The following USH2A variants were observed in gnomAD, a reference collection of about 807,000 sequenced individuals.
The protein encoded by USH2A is usherin.
A neutral mutation model predicts 538.9 loss-of-function variants in USH2A; 443 were observed. The ratio of observed to expected loss-of-function variants is 0.82; its 90% CI spans 0.76 to 0.89. The LOEUF (loss-of-function observed/expected upper bound fraction) is 0.89, where lower values mean the gene tolerates loss of function less well. USH2A is among the 40% of genes least tolerant of loss of function. The pLI is 0.00. For missense variants in USH2A, 6,633 were observed against 6,324.8 expected (o/e 1.05, Z -1.65); for synonymous variants, 2,413 against 2,273.5 (o/e 1.06, Z -1.75).
chr1:215,766,639 G>A (rs750535872), intron 56 of USH2A, 42 bp downstream of exon 56: 1 of 1,557,278 alleles, frequency 6.4e-7, no homozygotes, highest in South Asian at 1.1e-5. Context: ...AAAATGCTAT[G>A]TGAAAATTTC....
chr1:216,120,401 A>G (rs948079866), intron 21 of USH2A, among the ~76,000 whole-genome samples: 34 of 151,516 alleles, frequency 2.2e-4, no homozygotes, highest in African/African-American at 8.2e-4. Context: ...TTATTTAGCG[A>G]TGGAGTCTCG....
intron 9 of USH2A, among the ~76,000 whole-genome samples, chr1:216,298,710 G>A (rs2037153600): frequency 6.6e-6 from 1 of 152,206 alleles, no homozygotes; most frequent in African/African-American, 2.4e-5. Flanking sequence ...ATACCAGGGT[G>A]AAAGGAATTT....
chr1:215,655,725 C>CTTTTTTT (rs766225635), intron 64 of USH2A, among the ~76,000 whole-genome samples: 47 of 96,192 alleles, frequency 4.9e-4, no homozygotes, highest in South Asian at 9.1e-4. Flanking sequence ...GCTAGTTATT[C>CTTTTTTT]TTTTTTTTTT....
rs147146439 is a variant in USH2A, at chr1:215,887,969, T to C, written c.8223+457A>G. On this transcript the variant is annotated intron_variant, in intron 41 of 71. Coordinates refer to ENST00000307340, the MANE Select transcript of USH2A (RefSeq NM_206933.4). The stretch of plus-strand genomic sequence containing the variant: ...ATTCCCAATAGAATGAGGTGAATAA[T>C]TGAACACTTTCTGGATAGCCCGTTA... Among the ~76,000 whole-genome samples, 195 of 152,344 alleles carry C rather than the reference T, an allele frequency of 1.3e-3. 2 individuals are homozygous for C. The highest frequency in any genetic ancestry group is 4.2e-3 in the African/African-American group (176 of 41,576).
intron 60 of USH2A, among the ~76,000 whole-genome samples, chr1:215,730,081 C>A (rs1042291624): frequency 1.3e-5 from 2 of 152,106 alleles, no homozygotes; most frequent in Non-Finnish European, 2.9e-5. Flanking sequence ...AAACTAGGGC[C>A]AAATGCATAC....
rs114857488 is a variant in USH2A, at chr1:215,782,526, A to G, written c.10585+212T>C. ...ATATTCTGGGATTCAAGGAACTTTC[A>G]TTTCTATTTTTTTACTTATTTAGGC... On this transcript the variant is annotated intron_variant, in intron 53 of 71. Transcript: ENST00000307340. 5.5e-3 allele frequency among the ~76,000 whole-genome samples: 843 copies of G among 152,186 alleles called. 6 individuals carry two copies. The highest frequency in any genetic ancestry group is 0.019 in the African/African-American group (787 of 41,536).
At chr1:215,867,665 C>T (rs1308666578) in intron 43 of USH2A, among the ~76,000 whole-genome samples, 1 of 152,182 alleles carries the variant, frequency 6.6e-6, no homozygotes, top group Non-Finnish European at 1.5e-5. Context: ...TCACTGCAGA[C>T]AGATAAACCC....
intron 22 of USH2A, among the ~76,000 whole-genome samples, chr1:216,090,258 A>T (rs2102566378): frequency 6.6e-6 from 1 of 152,118 alleles, no homozygotes; most frequent in East Asian, 1.9e-4. Context: ...GAAGATGTAT[A>T]TTGAAAAACA....
intron 41 of USH2A, among the ~76,000 whole-genome samples, chr1:215,885,624 T>C (rs1481983392): frequency 2.0e-5 from 3 of 152,238 alleles, no homozygotes; most frequent in Non-Finnish European, 4.4e-5. Flanking sequence ...ATTTCATCTA[T>C]GCTGCTGTGC....
Position 216,324,388 on chromosome 1 carries a change from T to C in USH2A, c.1144-36A>G, listed in dbSNP as rs771718908. On this transcript the variant is annotated intron_variant, in intron 6 of 71. Transcript: ENST00000307340. ...AAAGTTAATTAATGTAATTAAAGTT[T>C]TAAGTTTAACCATCAGTATATATCA... The C allele has an allele frequency of 7.1e-6, 11 of 1,554,652 alleles. No individual in the cohort carries two copies. The Admixed American group carries it at 1.3e-4, about 18-fold the overall frequency.
chr1:216,316,831 G>C (rs898053065), intron 9 of USH2A, among the ~76,000 whole-genome samples: 3 of 151,886 alleles, frequency 2.0e-5, no homozygotes, highest in Non-Finnish European at 2.9e-5. Flanking sequence ...TAAAAATTGG[G>C]CAATGAACAT....
At chr1:216,187,811 C>T (rs781403002) in intron 20 of USH2A, among the ~76,000 whole-genome samples, 52 of 151,732 alleles carry the variant, frequency 3.4e-4, no homozygotes, top group Non-Finnish European at 6.9e-4. Context: ...TCATCAGAAC[C>T]CTACAAATAA....
chr1:216,109,579 C>T (rs902615151), intron 21 of USH2A, among the ~76,000 whole-genome samples: 7 of 152,094 alleles, frequency 4.6e-5, no homozygotes, highest in African/African-American at 1.7e-4. Context: ...GTTCTACATC[C>T]CAATTTGAAA....
intron 67 of USH2A, 100 bp downstream of exon 67, chr1:215,647,418 CCACT>C: frequency 7.5e-7 from 1 of 1,331,566 alleles, no homozygotes; most frequent in Non-Finnish European, 1.1e-6. Flanking sequence ...GTTATTGAGC[CCACT>C]CAATCTGTTT....
intron 21 of USH2A, among the ~76,000 whole-genome samples, chr1:216,140,369 ACTT>A (rs2033577649): frequency 6.6e-6 from 1 of 152,118 alleles, no homozygotes; most frequent in South Asian, 2.1e-4. Flanking sequence ...TACCTCCTAG[ACTT>A]CTTAGGGCCA....
rs746439490 is a variant in USH2A at position 215,634,491 on chromosome 1, A to T, written c.15265T>A (p.Leu5089Met). 6.2e-6 allele frequency: 10 copies of T among 1,614,214 alleles called. No homozygotes were observed. In the South Asian group the frequency reaches 1.1e-4, roughly 18 times the overall value. Residue 5089 changes from leucine to methionine, a missense_variant, in exon 70 of 72, where the codon TTG (leucine) becomes ATG (methionine). By Grantham distance (15) the Leu-to-Met change is conservative. Transcript: ENST00000307340. ...LVPLQKRMSP[L>M]NVYPPGENHM... is the part of the protein sequence containing the mutation. ...TTTTCCCCCGGTGGGTAAACATTCA[A>T]TGGAGACATCCTCTTCTGAAGAGGT...
intron 16 of USH2A, among the ~76,000 whole-genome samples, chr1:216,202,447 T>G (rs2035020968): frequency 6.6e-6 from 1 of 152,214 alleles, no homozygotes; most frequent in Non-Finnish European, 1.5e-5. Flanking sequence ...AGGGTATGAA[T>G]AGGATATCCA....
intron 64 of USH2A, among the ~76,000 whole-genome samples, chr1:215,660,703 A>G (rs576353592): frequency 6.6e-6 from 1 of 152,382 alleles, no homozygotes; most frequent in African/African-American, 2.4e-5. Context: ...AGAAAAAATT[A>G]GAGCAATTCA....
intron 25 of USH2A, among the ~76,000 whole-genome samples, chr1:216,084,026 A>G (rs1168974207): frequency 6.6e-6 from 1 of 152,104 alleles, no homozygotes; most frequent in Non-Finnish European, 1.5e-5. Flanking sequence ...CTTAGCTGTA[A>G]ATATAGGAGG....
Sources: allele counts gnomAD v4.1 joint callset (sites outside exome capture counted in the v4.1 genomes callset), GRCh38; gene constraint gnomAD v4.1.1; transcripts MANE v1.5; gene names NCBI Gene and HGNC (gene_info 2026-07-23, HGNC 2026-07-21).